NRTN: variants seen among roughly 807,000 people sequenced by gnomAD.
The protein encoded by NRTN is prepro-neurturin.
NRTN carries 3 observed loss-of-function variants against 7.5 expected under a neutral mutation model. The ratio of observed to expected loss-of-function variants is 0.40; its 90% CI spans 0.18 to 1.03. The LOEUF (loss-of-function observed/expected upper bound fraction) is 1.03. Ranked by LOEUF, NRTN falls within the 50% of genes least tolerant of loss-of-function variation. The probability of loss-of-function intolerance (pLI) is 0.34; values close to 1 mark genes in which losing one functional copy is unlikely to be tolerated. For synonymous variants in NRTN, 157 were observed against 146.6 expected, an observed-to-expected ratio of 1.07 and a Z score of -0.51; for missense variants, 310 against 307.0, an observed-to-expected ratio of 1.01 and a Z score of -0.07.
In NRTN at chr19:5,827,890, G is replaced by A; in HGVS notation, c.311G>A (p.Gly104Glu). The A allele has an allele frequency of 7.2e-7, 1 of 1,387,396 alleles. No homozygotes were observed. The highest frequency in any genetic ancestry group is 3.1e-5 in the East Asian group (1 of 31,842). 85.9% of individuals were successfully genotyped at this position (1,387,396 alleles called of 1,614,324 possible). The change falls in exon 3 of 3, where the codon GGG becomes GAG. Residue 104 changes from glycine to glutamate, a missense_variant. Transcript: ENST00000303212. ...ARARLGARPC[G>E]LRELEVRVSE... ...GCGCGGTTGGGGGCGCGGCCTTGCG[G>A]GCTGCGCGAGCTGGAGGTGCGCGTG...
intron 1 of NRTN, among the ~76,000 whole-genome samples, chr19:5,808,577 G>A (rs2056980628): frequency 6.6e-6 from 1 of 152,110 alleles, no homozygotes; most frequent in Admixed American, 6.6e-5. Flanking sequence ...GGGACTGCGG[G>A]GCACTGACCC....
At chr19:5,820,449 C>T (rs1178473248) in intron 1 of NRTN, among the ~76,000 whole-genome samples, 3 of 151,420 alleles carry the variant, frequency 2.0e-5, no homozygotes, top group Admixed American at 6.6e-5. Context: ...GCCTGTAGTC[C>T]CAGCTACTCT....
In NRTN at chr19:5,828,040, T is replaced by G. The variant is rs1373965718; in HGVS notation, c.461T>G (p.Leu154Arg). The G allele has an allele frequency of 1.4e-6, 2 of 1,410,780 alleles. No homozygotes were observed. The highest frequency in any genetic ancestry group is 1.8e-6 in the Non-Finnish European group (2 of 1,090,844). 87.4% of individuals were successfully genotyped at this position (1,410,780 alleles called of 1,614,324 possible). A position where few individuals can be genotyped will look rare whatever the true frequency, so the allele number is the denominator to read the frequency against. ...GLRRLRQRRRLRRERVRAQPC... is the reference protein window; with the variant it reads ...GLRRLRQRRRRRRERVRAQPC... ...CGACGACTGCGCCAGCGGCGGCGCC[T>G]GCGGCGGGAGCGGGTGCGCGCGCAG... The change falls in exon 3 of 3, where the codon CTG (leucine) becomes CGG (arginine). Residue 154 changes from leucine (L) to arginine (R), a missense_variant. By Grantham distance (102) the Leu-to-Arg change is moderately radical. Coordinates refer to ENST00000303212, the MANE Select transcript of NRTN (RefSeq NM_004558.5).
intron 1 of NRTN, among the ~76,000 whole-genome samples, chr19:5,817,175 A>C (rs927294143): frequency 1.3e-5 from 2 of 149,802 alleles, no homozygotes; most frequent in East Asian, 3.9e-4. Flanking sequence ...GTTTCTACCA[A>C]AAAACAAAAA....
chr19:5,817,174 AAAAAACAAAAAC>A (rs558378885), intron 1 of NRTN, among the ~76,000 whole-genome samples: 61 of 151,770 alleles, frequency 4.0e-4, no homozygotes, highest in African/African-American at 1.3e-3. Flanking sequence ...AGTTTCTACC[AAAAAACAAAAAC>A]AAAAACAAAA....
At chr19:5,810,301 CAG>C (rs1244735747) in intron 1 of NRTN, among the ~76,000 whole-genome samples, 1 of 149,614 alleles carries the variant, frequency 6.7e-6, no homozygotes, top group Non-Finnish European at 1.5e-5. Context: ...TTTGTAAAGA[CAG>C]AGTCTTGCTA....
Position 5,824,031 on chromosome 19 carries a change from G to C in NRTN, c.-135G>C, listed in dbSNP as rs1002609264. 2.6e-6 allele frequency: 3 copies of C among 1,154,970 alleles called. No homozygotes were observed. In the African/African-American group the frequency reaches 4.5e-5, roughly 17 times the overall value. 71.5% of individuals were successfully genotyped at this position (1,154,970 alleles called of 1,614,324 possible). ...TGGTTCCTTGAGGGACCATTCCCAT[G>C]TGATTATCGACCATTCGGCAGGCGT... On this transcript the variant is annotated 5_prime_UTR_variant, in exon 2 of 3. It removes an upstream start codon present in the reference 5' UTR. Coordinates refer to ENST00000303212, the MANE Select transcript of NRTN (RefSeq NM_004558.5).
rs1441357109 is a variant in NRTN at position 5,828,305 on chromosome 19, G to T, written c.*132G>T. On this transcript the variant is annotated 3_prime_UTR_variant, in exon 3 of 3. Transcript: ENST00000303212. ...GGGACTCTCGCGATAACTGTACTGA[G>T]ATAAAGTGTGGCAACTCGAGCTGGC... 1 of 1,037,532 alleles carries T rather than the reference G, an allele frequency of 9.6e-7. No individual in the cohort carries two copies. Among genetic ancestry groups the T allele is most frequent in the Non-Finnish European group, 1.3e-6 (1 of 754,070 alleles). 64.3% of individuals were successfully genotyped at this position (1,037,532 alleles called of 1,614,324 possible). A position where few individuals can be genotyped will look rare whatever the true frequency, so the allele number is the denominator to read the frequency against.
chr19:5,807,046 G>T (rs953607230), intron 1 of NRTN, among the ~76,000 whole-genome samples: 1 of 152,198 alleles, frequency 6.6e-6, no homozygotes, highest in Non-Finnish European at 1.5e-5. Context: ...CTACCTCAGG[G>T]TAGGAATGTC....
chr19:5,805,980 G>A (rs983965914), intron 1 of NRTN, among the ~76,000 whole-genome samples: 1 of 152,172 alleles, frequency 6.6e-6, no homozygotes, highest in Non-Finnish European at 1.5e-5. Context: ...CCTCCGGTGA[G>A]GGCCGGGCCC....
intron 2 of NRTN, among the ~76,000 whole-genome samples, chr19:5,827,155 T>G (rs937783945): frequency 6.6e-6 from 1 of 151,970 alleles, no homozygotes; most frequent in African/African-American, 2.4e-5. Context: ...GCAGTGGGGA[T>G]GGAGGGAGTC....
chr19:5,824,299 G>T lies in NRTN; in HGVS notation c.134G>T (p.Arg45Leu). 1 of 1,608,528 alleles carries T rather than the reference G, an allele frequency of 6.2e-7. No homozygotes were observed. Residue 45 changes from arginine to leucine, a missense_variant, in exon 2 of 3, where the codon CGA (arginine) becomes CTA (leucine). Arg to Leu is a moderately radical substitution (Grantham distance 102, BLOSUM62 -2). Transcript: ENST00000303212. ...CTGGTCCCCCTGCACCGCCTGCCTC[G>T]AACCCTGGACGCCCGGATTGCCCGC... ...PALVPLHRLPRTLDARIARLA... is the reference protein window; with the variant it reads ...PALVPLHRLPLTLDARIARLA...
In NRTN at chr19:5,814,003, G is replaced by A. The variant is rs140154004; in HGVS notation, c.-399+8552G>A. On this transcript the variant is annotated intron_variant, in intron 1 of 2. Coordinates refer to ENST00000303212, the MANE Select transcript of NRTN (RefSeq NM_004558.5). Reference sequence around the variant, plus strand: ...AGCCTGGGCAACAGAGCCAGACTCCGTCTCAAAAAATATATATATATATGG... The same window carrying A: ...AGCCTGGGCAACAGAGCCAGACTCCATCTCAAAAAATATATATATATATGG... 1.7e-3 allele frequency among the ~76,000 whole-genome samples: 265 copies of A among 152,136 alleles called. 1 individual carries two copies. The highest frequency in any genetic ancestry group is 6.1e-3 in the African/African-American group (252 of 41,516).
chr19:5,827,138 C>G (rs2057049356), intron 2 of NRTN, among the ~76,000 whole-genome samples: 1 of 152,120 alleles, frequency 6.6e-6, no homozygotes. Flanking sequence ...CTCCACTGCA[C>G]AGCGGGGCAG....
intron 1 of NRTN, among the ~76,000 whole-genome samples, chr19:5,815,900 G>A (rs927630504): frequency 6.7e-6 from 1 of 150,054 alleles, no homozygotes; most frequent in African/African-American, 2.5e-5. Context: ...GCCTGTCACC[G>A]TGCCTGGCTA....
intron 2 of NRTN, 113 bp from the exon 3 acceptor site, chr19:5,827,636 G>A (rs1422899877): frequency 2.6e-6 from 1 of 390,232 alleles, no homozygotes; most frequent in Non-Finnish European, 3.7e-6. Context: ...AAGCCGTCTA[G>A]GCCTGGCGTC....
At chr19:5,827,674 A>T in intron 2 of NRTN, 75 bp from the exon 3 acceptor site, 1 of 615,122 alleles carries the variant, frequency 1.6e-6, no homozygotes, top group Admixed American at 5.3e-5. Flanking sequence ...TTGCAGGGGT[A>T]CAGAGAGGGT....
rs151310188 is a variant in NRTN at position 5,822,377 on chromosome 19, T to C, written c.-398-1391T>C. On this transcript the variant is annotated intron_variant, in intron 1 of 2. Coordinates refer to ENST00000303212, the MANE Select transcript of NRTN (RefSeq NM_004558.5). ...AGTGCTCGGTGTAAATGTTTACACC[T>C]GGCCGGCCGCCAGGCTCCACGCCGC... Among the ~76,000 whole-genome samples the C allele has an allele frequency of 3.3e-3, 496 of 152,260 alleles. 5 individuals carry two copies. The highest frequency in any genetic ancestry group is 0.011 in the African/African-American group (476 of 41,552).
In NRTN at chr19:5,827,816, G is replaced by C; in HGVS notation, c.237G>C (p.Arg79=). Residue 79 remains arginine, a synonymous_variant, in exon 3 of 3, where the codon CGG becomes CGC. Transcript: ENST00000303212. Reference sequence around the variant, plus strand: ...GCGAGCTGACGCCCTGGGCTGGGCGGCCCCCAGGTCCGCGCCGTCGGGCGG... The same window carrying C: ...GCGAGCTGACGCCCTGGGCTGGGCGCCCCCCAGGTCCGCGCCGTCGGGCGG... ...ELRELTPWAG[R]PPGPRRRAGP... 8.5e-7 allele frequency: 1 copy of C among 1,171,302 alleles called. No homozygotes were observed. The highest frequency in any genetic ancestry group is 1.1e-6 in the Non-Finnish European group (1 of 950,138). 72.6% of individuals were successfully genotyped at this position (1,171,302 alleles called of 1,614,324 possible). A position where few individuals can be genotyped will look rare whatever the true frequency, so the allele number is the denominator to read the frequency against.
Sources: gnomAD v4.1 joint callset for allele counts (sites outside exome capture counted in the v4.1 genomes callset) on GRCh38, gnomAD v4.1.1 for gene constraint, MANE v1.5 for transcripts, NCBI Gene and HGNC (gene_info 2026-07-23, HGNC 2026-07-21) for gene names.